The following CAPN5 variants were observed in gnomAD, a reference collection of about 807,000 sequenced individuals.
CAPN5 encodes the protein calpain-5.
In CAPN5, 54 loss-of-function variants were observed where a neutral mutation model predicts 73.0. The ratio of observed to expected loss-of-function variants is 0.74; its 90% CI spans 0.59 to 0.93. CAPN5 has a LOEUF of 0.93. Ranked by LOEUF, CAPN5 falls within the 40% of genes least tolerant of loss-of-function variation. The pLI is 0.00. For missense variants in CAPN5, 785 were observed against 882.9 expected (o/e 0.89, Z 1.41); for synonymous variants, 335 against 356.9 (o/e 0.94, Z 0.69).
chr11:77,093,994 T>C (rs578093007), intron 3 of CAPN5, among the ~76,000 whole-genome samples, 181 bp downstream of exon 3: 3 of 152,330 alleles, frequency 2.0e-5, no homozygotes, highest in South Asian at 2.1e-4. Context: ...ACCCTTCAGC[T>C]GGGCACCCCC....
At chr11:77,097,464 G>T (rs370217666) in intron 3 of CAPN5, among the ~76,000 whole-genome samples, 47 of 79,728 alleles carry the variant, frequency 5.9e-4, no homozygotes, top group South Asian at 4.2e-3. Flanking sequence ...TTTCCTTCTA[G>T]TTTTTTTTTT....
In CAPN5 at chr11:77,115,072, A is replaced by C. The variant is rs553207842; in HGVS notation, c.700-323A>C. ...GAGCAAAACTCCATCCAAAAAAAAA[A>C]CAAAAAACAAAACAATGTTCCTGAA... is the stretch of plus-strand genomic sequence containing the variant. On this transcript the variant is annotated intron_variant, in intron 5 of 12. Transcript: ENST00000648180. 1.9e-3 allele frequency among the ~76,000 whole-genome samples: 286 copies of C among 152,226 alleles called. 1 individual carries two copies. Among genetic ancestry groups the C allele is most frequent in the Non-Finnish European group, 2.2e-3 (150 of 68,004 alleles).
At chr11:77,070,402 G>A (rs1034020348) in intron 1 of CAPN5, among the ~76,000 whole-genome samples, 2 of 152,226 alleles carry the variant, frequency 1.3e-5, no homozygotes, top group African/African-American at 4.8e-5. Flanking sequence ...CTCAGCCAGT[G>A]CCCCCTGCTG....
intron 3 of CAPN5, among the ~76,000 whole-genome samples, chr11:77,112,116 G>T (rs1297817532): frequency 6.6e-6 from 1 of 152,156 alleles, no homozygotes; most frequent in African/African-American, 2.4e-5. Flanking sequence ...TTGGGCCAGG[G>T]TGGTGCCAGT....
At chr11:77,110,245 G>A (rs1225860518) in intron 3 of CAPN5, among the ~76,000 whole-genome samples, 2 of 151,826 alleles carry the variant, frequency 1.3e-5, no homozygotes, top group African/African-American at 2.4e-5. Context: ...GCACCACCAC[G>A]CCCAGCTAAT....
intron 1 of CAPN5, among the ~76,000 whole-genome samples, chr11:77,081,658 G>A (rs564378688): frequency 2.0e-5 from 3 of 152,282 alleles, no homozygotes; most frequent in African/African-American, 4.8e-5. Flanking sequence ...GAGGTAATGC[G>A]GCCTGCTCAG....
At chr11:77,070,579 C>G (rs550594958) in intron 1 of CAPN5, among the ~76,000 whole-genome samples, 2 of 152,204 alleles carry the variant, frequency 1.3e-5, no homozygotes, top group Non-Finnish European at 2.9e-5. Flanking sequence ...CGGGTGGGAC[C>G]CCATGACACC....
intron 1 of CAPN5, among the ~76,000 whole-genome samples, chr11:77,073,727 G>A (rs1396243966): frequency 2.0e-5 from 3 of 152,236 alleles, no homozygotes; most frequent in Admixed American, 6.5e-5. Context: ...GGTGGAGAAT[G>A]GATTGGACAC....
Position 77,120,929 on chromosome 11 carries a change from A to G in CAPN5, c.1487+20A>G. ...CTGCCGGTACTTGGGGGCTGGCTTG[A>G]GGCCAGTGTGGGTGGGAGTGACATT... On this transcript the variant is annotated intron_variant, in intron 10 of 12. Transcript: ENST00000648180. 1 of 1,605,312 alleles carries G rather than the reference A, an allele frequency of 6.2e-7. No individual in the cohort carries two copies. Among genetic ancestry groups the G allele is most frequent in the Non-Finnish European group, 8.5e-7 (1 of 1,174,114 alleles).
At chr11:77,078,043 T>C (rs1293455985) in intron 1 of CAPN5, among the ~76,000 whole-genome samples, 7 of 152,378 alleles carry the variant, frequency 4.6e-5, no homozygotes, top group East Asian at 1.9e-4. Flanking sequence ...TTGTTTTCTT[T>C]GTTGTGCAGA....
intron 3 of CAPN5, among the ~76,000 whole-genome samples, chr11:77,098,832 C>CA (rs1950247858): frequency 7.4e-6 from 1 of 135,848 alleles, no homozygotes; most frequent in African/African-American, 2.9e-5. Context: ...GGGGGCTGAC[C>CA]CCCCCCACCT....
chr11:77,119,223 G>A, intron 9 of CAPN5, 71 bp downstream of exon 9: 1 of 1,513,186 alleles, frequency 6.6e-7, no homozygotes, highest in East Asian at 2.4e-5. Context: ...GCCCATGCCT[G>A]AGGAAGAACG....
intron 1 of CAPN5, among the ~76,000 whole-genome samples, chr11:77,077,794 C>T (rs1030772433): frequency 6.6e-6 from 1 of 152,176 alleles, no homozygotes; most frequent in Non-Finnish European, 1.5e-5. Context: ...GGATTACATG[C>T]ATAAGCCACT....
rs1172384091 is a variant in CAPN5, at chr11:77,088,658, A to T, written c.165+3607A>T. Among the ~76,000 whole-genome samples, 4 of 152,028 alleles carry T rather than the reference A, an allele frequency of 2.6e-5. No individual in the cohort carries two copies. In the South Asian group the frequency reaches 8.3e-4, roughly 32 times the overall value. On this transcript the variant is annotated intron_variant, in intron 2 of 12. Transcript: ENST00000648180. ...CATTCATTCTGTGATCCTAGATTCC[A>T]GGAGGGTGGTGACTAGGGTGAAGCT...
At chr11:77,102,721 G>T (rs372724282) in intron 3 of CAPN5, 11 of 1,212,084 alleles carry the variant, frequency 9.1e-6, no homozygotes, top group Non-Finnish European at 1.2e-5. Flanking sequence ...GTGGCAAAGG[G>T]AGGGGAAGAG....
chr11:77,101,955 G>A (rs1232404198), intron 3 of CAPN5, among the ~76,000 whole-genome samples: 1 of 152,208 alleles, frequency 6.6e-6, no homozygotes, highest in Non-Finnish European at 1.5e-5. Flanking sequence ...TTGTCCTGTT[G>A]TGGCCATGGT....
chr11:77,090,175 G>C (rs1228198025), intron 2 of CAPN5, among the ~76,000 whole-genome samples: 20 of 152,186 alleles, frequency 1.3e-4, no homozygotes, highest in African/African-American at 4.8e-4. Flanking sequence ...GCAGACTCCA[G>C]GTGCCACCAA....
intron 10 of CAPN5, among the ~76,000 whole-genome samples, chr11:77,121,164 C>T (rs78602538): frequency 0.053 from 8,090 of 152,366 alleles, 318 homozygotes; most frequent in Non-Finnish European, 0.073. Flanking sequence ...CTTGATCTTC[C>T]TGCATCCCTG....
intron 7 of CAPN5, among the ~76,000 whole-genome samples, chr11:77,116,793 A>G (rs1362813917): frequency 6.6e-6 from 1 of 152,228 alleles, no homozygotes; most frequent in African/African-American, 2.4e-5. Context: ...TAGAGGAACT[A>G]GCTTCTAAGC....
Sources: gnomAD v4.1 joint callset for allele counts (sites outside exome capture counted in the v4.1 genomes callset) on GRCh38, gnomAD v4.1.1 for gene constraint, MANE v1.5 for transcripts, NCBI Gene and HGNC (gene_info 2026-07-23, HGNC 2026-07-21) for gene names.